The following NT5DC1 variants were observed in gnomAD, a reference collection of about 807,000 sequenced individuals.
NT5DC1 encodes 5'-nucleotidase domain-containing protein 1.
Under a neutral mutation model 59.4 loss-of-function variants are expected in NT5DC1, and 42 were observed. That is an observed-to-expected ratio of 0.71 (90% CI 0.55 to 0.92). The LOEUF is 0.92. Ranked by LOEUF, NT5DC1 falls within the 40% of genes least tolerant of loss-of-function variation. NT5DC1 has a pLI of 0.00. For synonymous variants in NT5DC1, 172 were observed against 188.1 expected, an observed-to-expected ratio of 0.91 and a Z score of 0.70; for missense variants, 501 against 537.1, an observed-to-expected ratio of 0.93 and a Z score of 0.66.
intron 6 of NT5DC1, among the ~76,000 whole-genome samples, chr6:116,184,733 C>A (rs1365938171): frequency 6.6e-6 from 1 of 151,958 alleles, no homozygotes; most frequent in Non-Finnish European, 1.5e-5. Flanking sequence ...GTTGTAATAT[C>A]TTCTGTTTCA....
At chr6:116,101,051 T>A in intron 1 of NT5DC1, 28 bp downstream of exon 1, 2 of 1,509,966 alleles carry the variant, frequency 1.3e-6, no homozygotes, top group Non-Finnish European at 9.1e-7. Flanking sequence ...CGGGGCGCAC[T>A]GCGCGCAACC....
At chr6:116,216,540 T>C (rs1330975591) in intron 6 of NT5DC1, among the ~76,000 whole-genome samples, 4 of 151,966 alleles carry the variant, frequency 2.6e-5, no homozygotes, top group Non-Finnish European at 4.4e-5. Context: ...TTTTCTCTCA[T>C]ATTCTGTACT....
At chr6:116,117,508 G>A (rs1446033750) in intron 5 of NT5DC1, among the ~76,000 whole-genome samples, 2 of 152,094 alleles carry the variant, frequency 1.3e-5, no homozygotes, top group Non-Finnish European at 2.9e-5. Context: ...AATACACCTA[G>A]TTTACTGAAC....
chr6:116,236,091 G>A (rs187945847), intron 8 of NT5DC1, among the ~76,000 whole-genome samples: 333 of 152,236 alleles, frequency 2.2e-3, no homozygotes, highest in Admixed American at 6.5e-3. Flanking sequence ...TAGTGGCACA[G>A]CAAAGAGGAC....
chr6:116,161,128 G>A (rs1290547000), intron 6 of NT5DC1, among the ~76,000 whole-genome samples: 1 of 148,308 alleles, frequency 6.7e-6, no homozygotes, highest in Non-Finnish European at 1.5e-5. Flanking sequence ...ACTCATAGGT[G>A]GGAATTGAAC....
Position 116,108,508 on chromosome 6 carries a change from C to T in NT5DC1, c.257+73C>T, listed in dbSNP as rs1026554239. 1.2e-5 allele frequency: 10 copies of T among 827,498 alleles called. No homozygotes were observed. In the Admixed American group the frequency reaches 1.6e-4, roughly 13 times the overall value. The allele number at this position is 827,498 out of a possible 1,614,324, so 51.3% of individuals were successfully genotyped here. A position where few individuals can be genotyped will look rare whatever the true frequency, so the allele number is the denominator to read the frequency against. ...CTTTATTACTGAGTGGCATATGACC[C>T]TTACAGTATGGGTTAAATATGATTA... On this transcript the variant is annotated intron_variant, in intron 3 of 11. Coordinates refer to ENST00000319550, the MANE Select transcript of NT5DC1 (RefSeq NM_152729.3).
Position 116,100,908 on chromosome 6 carries a change from T to C in NT5DC1, c.-23T>C, listed in dbSNP as rs761859844. On this transcript the variant is annotated 5_prime_UTR_variant, in exon 1 of 12. Coordinates refer to ENST00000319550, the MANE Select transcript of NT5DC1 (RefSeq NM_152729.3). ...CTTGCACCCTTCGCGGCCGAGGCGC[T>C]CCCTGGTGCTCCCCGCGCAGCCATG... 1 of 1,580,432 alleles carries C rather than the reference T, an allele frequency of 6.3e-7. No homozygotes were observed. Among genetic ancestry groups the C allele is most frequent in the Admixed American group, 1.7e-5 (1 of 58,008 alleles).
chr6:116,180,847 A>G (rs552219659), intron 6 of NT5DC1, among the ~76,000 whole-genome samples: 2 of 152,174 alleles, frequency 1.3e-5, no homozygotes, highest in Admixed American at 6.6e-5. Context: ...GTATCAACCA[A>G]TTGCAATTTG....
intron 8 of NT5DC1, among the ~76,000 whole-genome samples, chr6:116,227,092 A>G (rs951764905): frequency 2.6e-5 from 4 of 152,092 alleles, no homozygotes; most frequent in African/African-American, 9.7e-5. Flanking sequence ...TATTCCTCCT[A>G]CCTGAAATTT....
chr6:116,214,357 T>G (rs1191458474), intron 6 of NT5DC1, among the ~76,000 whole-genome samples: 1 of 152,164 alleles, frequency 6.6e-6, no homozygotes, highest in East Asian at 1.9e-4. Flanking sequence ...CTTAAAATGT[T>G]TTTAAACACA....
At chr6:116,214,325 A>G (rs748618068) in intron 6 of NT5DC1, among the ~76,000 whole-genome samples, 2 of 152,132 alleles carry the variant, frequency 1.3e-5, no homozygotes, top group Admixed American at 1.3e-4. Flanking sequence ...AATAAATTCT[A>G]TTTTACTTAA....
chr6:116,202,288 T>G (rs1007695605), intron 6 of NT5DC1, among the ~76,000 whole-genome samples: 2 of 152,096 alleles, frequency 1.3e-5, no homozygotes, highest in Non-Finnish European at 2.9e-5. Context: ...TTTCTTATGC[T>G]TAGCATGGTT....
Position 116,100,882 on chromosome 6 carries a change from C to G in NT5DC1, c.-49C>G. The G allele has an allele frequency of 6.9e-7, 1 of 1,449,680 alleles. No individual in the cohort carries two copies. Among genetic ancestry groups the G allele is most frequent in the Non-Finnish European group, 9.5e-7 (1 of 1,056,310 alleles). The allele number at this position is 1,449,680 out of a possible 1,614,324, so 89.8% of individuals were successfully genotyped here. A position where few individuals can be genotyped will look rare whatever the true frequency, so the allele number is the denominator to read the frequency against. On this transcript the variant is annotated 5_prime_UTR_variant, in exon 1 of 12. Coordinates refer to ENST00000319550, the MANE Select transcript of NT5DC1 (RefSeq NM_152729.3). ...TCCCGCAGCGTCCCGCCAGCCAGCT[C>G]CTTGCACCCTTCGCGGCCGAGGCGC...
intron 2 of NT5DC1, 91 bp from the exon 3 acceptor site, chr6:116,108,273 T>C (rs998213263): frequency 2.5e-6 from 2 of 801,660 alleles, no homozygotes; most frequent in East Asian, 4.9e-5. Flanking sequence ...GAATCCCTTT[T>C]TAGCATTATG....
chr6:116,120,300 T>C, intron 6 of NT5DC1: 1 of 1,614,234 alleles, frequency 6.2e-7, no homozygotes, highest in Non-Finnish European at 8.5e-7. Context: ...TGAGTCCCTT[T>C]CACATGCACG....
At chr6:116,120,365 G>T in intron 6 of NT5DC1, 2 of 1,614,208 alleles carry the variant, frequency 1.2e-6, no homozygotes, top group South Asian at 1.1e-5. Context: ...TCCAGTCCTT[G>T]GGTCATAATG....
intron 6 of NT5DC1, among the ~76,000 whole-genome samples, chr6:116,156,276 G>A (rs991894819): frequency 2.6e-5 from 4 of 151,536 alleles, no homozygotes; most frequent in African/African-American, 7.3e-5. Flanking sequence ...CTAATTTTCC[G>A]GCAAAACTAA....
chr6:116,122,397 T>C (rs183759225), intron 6 of NT5DC1, among the ~76,000 whole-genome samples: 3 of 152,318 alleles, frequency 2.0e-5, no homozygotes, highest in Admixed American at 2.0e-4. Flanking sequence ...GAAACAGAAT[T>C]AATTCTGATT....
At chr6:116,190,061 A>G (rs1386154346) in intron 6 of NT5DC1, among the ~76,000 whole-genome samples, 1 of 151,982 alleles carries the variant, frequency 6.6e-6, no homozygotes, top group Non-Finnish European at 1.5e-5. Context: ...ATCACTGTCA[A>G]TACTTTTTTC....
Sources: allele counts gnomAD v4.1 joint callset (sites outside exome capture counted in the v4.1 genomes callset), GRCh38; gene constraint gnomAD v4.1.1; transcripts MANE v1.5; gene names NCBI Gene and HGNC (gene_info 2026-07-23, HGNC 2026-07-21).